GPC5: variants seen among roughly 807,000 people sequenced by gnomAD.
GPC5 encodes glypican-5.
GPC5 carries 47 observed loss-of-function variants against 53.9 expected under a neutral mutation model. The observed-to-expected ratio is 0.87, with a 90% CI of 0.69 to 1.11. The LOEUF (loss-of-function observed/expected upper bound fraction) is 1.11, where lower values mean the gene tolerates loss of function less well. Among genes scored for constraint, GPC5 ranks in the 50% most tolerant of loss-of-function variants. The pLI, the probability that GPC5 is intolerant of heterozygous loss-of-function variation, is 0.00. For synonymous variants in GPC5, 286 were observed against 263.3 expected (o/e 1.09, Z -0.84); for missense variants, 748 against 713.1 (o/e 1.05, Z -0.56).
chr13:92,167,252 A>G (rs1460567301), intron 7 of GPC5, among the ~76,000 whole-genome samples: 1 of 152,310 alleles, frequency 6.6e-6, no homozygotes, highest in East Asian at 1.9e-4. Flanking sequence ...AGCAAGTTAT[A>G]GTCCATGATC....
intron 6 of GPC5, among the ~76,000 whole-genome samples, chr13:91,930,875 A>T (rs531438857): frequency 6.6e-6 from 1 of 152,194 alleles, no homozygotes; most frequent in Non-Finnish European, 1.5e-5. Flanking sequence ...GAAAAGCGTG[A>T]TCTAAGTGTT....
intron 5 of GPC5, among the ~76,000 whole-genome samples, chr13:91,873,215 G>A (rs1196503510): frequency 6.6e-6 from 1 of 152,156 alleles, no homozygotes; most frequent in African/African-American, 2.4e-5. Context: ...ATTTTGGTAT[G>A]TTTCTTTTAA....
chr13:92,058,507 C>A (rs560842410), intron 6 of GPC5, among the ~76,000 whole-genome samples: 1 of 152,162 alleles, frequency 6.6e-6, no homozygotes, highest in East Asian at 1.9e-4. Context: ...TTTAAATCTA[C>A]GTTGACTCAC....
chr13:91,835,998 T>C (rs1302731707), intron 5 of GPC5, among the ~76,000 whole-genome samples: 1 of 152,050 alleles, frequency 6.6e-6, no homozygotes, highest in Non-Finnish European at 1.5e-5. Context: ...CTAAAGTCTT[T>C]ACCTGCCATG....
In GPC5 at chr13:91,854,055, G is replaced by A. The variant is rs115762735; in HGVS notation, c.1281-53882G>A. 4.1e-3 allele frequency among the ~76,000 whole-genome samples: 621 copies of A among 151,552 alleles called. 7 individuals are homozygous for A. The highest frequency in any genetic ancestry group is 0.014 in the African/African-American group (585 of 41,370). ...GGTTTATTTATGCACTTACTCTGTC[G>A]CTTTCCAACCCCTTCATGGTTTGAG... is the stretch of plus-strand genomic sequence containing the variant. On this transcript the variant is annotated intron_variant, in intron 5 of 7. Coordinates refer to ENST00000377067, the MANE Select transcript of GPC5 (RefSeq NM_004466.6).
chr13:92,200,078 A>G lies in GPC5; in HGVS notation c.1561+55089A>G, dbSNP rs9560977. On this transcript the variant is annotated intron_variant, in intron 7 of 7. Coordinates refer to ENST00000377067, the MANE Select transcript of GPC5 (RefSeq NM_004466.6). ...AGCCATTCTAACTTTAAATTTGGCC[A>G]AGCTTTGTTTTGATTATGTAAGAAC... Among the ~76,000 whole-genome samples the G allele has an allele frequency of 8.2e-3, 1,256 of 152,296 alleles. 14 individuals carry two copies. Among genetic ancestry groups the G allele is most frequent in the South Asian group, 0.044 (211 of 4,822 alleles).
At chr13:91,488,887 C>A (rs1395981532) in intron 2 of GPC5, among the ~76,000 whole-genome samples, 1 of 152,142 alleles carries the variant, frequency 6.6e-6, no homozygotes, top group African/African-American at 2.4e-5. Context: ...AAGGAACATC[C>A]CTGAGAAAGA....
chr13:91,977,955 A>AAAAG (rs71200555), intron 6 of GPC5, among the ~76,000 whole-genome samples: 2,299 of 142,940 alleles, frequency 0.016, 59 homozygotes, highest in African/African-American at 0.049. Flanking sequence ...TCTAAAAGAA[A>AAAAG]AAAGAAAGAA....
intron 5 of GPC5, among the ~76,000 whole-genome samples, chr13:91,770,529 A>G (rs759552535): frequency 6.6e-6 from 1 of 152,086 alleles, no homozygotes; most frequent in African/African-American, 2.4e-5. Flanking sequence ...CACCCAGGAA[A>G]CTCCAGAGGA....
intron 7 of GPC5, among the ~76,000 whole-genome samples, chr13:92,663,854 CACTATATATATATA>C (rs1290583074): frequency 1.3e-5 from 1 of 75,308 alleles, no homozygotes; most frequent in African/African-American, 5.1e-5. Context: ...TACACACACA[CACTATATATATATA>C]TATATATATA....
intron 2 of GPC5, among the ~76,000 whole-genome samples, chr13:91,524,206 T>C (rs1448951603): frequency 6.6e-6 from 1 of 152,092 alleles, no homozygotes; most frequent in Non-Finnish European, 1.5e-5. Flanking sequence ...AGAAGTCTTA[T>C]ACTGCATTAG....
chr13:92,169,082 G>C (rs1162271024), intron 7 of GPC5, among the ~76,000 whole-genome samples: 1 of 152,186 alleles, frequency 6.6e-6, no homozygotes, highest in Admixed American at 6.5e-5. Flanking sequence ...CTCAGGAACA[G>C]AGAACCAAAC....
At chr13:91,541,236 T>C (rs113524714) in intron 2 of GPC5, among the ~76,000 whole-genome samples, 1,810 of 152,308 alleles carry the variant, frequency 0.012, 36 homozygotes, top group African/African-American at 0.04. Flanking sequence ...TTTTTTGTTC[T>C]TAAAGTCTCT....
chr13:91,478,601 TAC>T (rs1162512614), intron 2 of GPC5, among the ~76,000 whole-genome samples: 1 of 151,308 alleles, frequency 6.6e-6, no homozygotes, highest in African/African-American at 2.4e-5. Context: ...TGAATTTTCA[TAC>T]AGATATATTT....
intron 7 of GPC5, among the ~76,000 whole-genome samples, chr13:92,607,585 G>C (rs1454670271): frequency 1.3e-5 from 2 of 152,016 alleles, no homozygotes; most frequent in Non-Finnish European, 2.9e-5. Context: ...CAACACAGTA[G>C]AGCCTCAAAT....
chr13:92,246,509 A>T (rs1227816148), intron 7 of GPC5, among the ~76,000 whole-genome samples: 9 of 152,114 alleles, frequency 5.9e-5, no homozygotes, highest in Non-Finnish European at 1.3e-4. Context: ...GCCACACCCC[A>T]TCTTTACAAA....
intron 5 of GPC5, among the ~76,000 whole-genome samples, chr13:91,891,831 C>A (rs1417809159): frequency 6.6e-6 from 1 of 152,150 alleles, no homozygotes; most frequent in Admixed American, 6.5e-5. Flanking sequence ...TTATTTAGCT[C>A]ATTTATCTTA....
intron 7 of GPC5, among the ~76,000 whole-genome samples, chr13:92,745,922 T>A (rs1020048566): frequency 3.3e-5 from 5 of 152,132 alleles, no homozygotes; most frequent in African/African-American, 1.2e-4. Context: ...CTTTTTCCTT[T>A]TTATGGAATT....
intron 7 of GPC5, among the ~76,000 whole-genome samples, chr13:92,563,424 T>A (rs1374253777): frequency 6.6e-6 from 1 of 152,026 alleles, no homozygotes; most frequent in African/African-American, 2.4e-5. Flanking sequence ...TCACATTTTT[T>A]AATGCAGTTT....
Sources: gnomAD v4.1 joint callset for allele counts (sites outside exome capture counted in the v4.1 genomes callset) on GRCh38, gnomAD v4.1.1 for gene constraint, MANE v1.5 for transcripts, NCBI Gene and HGNC (gene_info 2026-07-23, HGNC 2026-07-21) for gene names.